The following CTNNA2 variants were observed in gnomAD, a reference collection of about 807,000 sequenced individuals.
The protein encoded by CTNNA2 is catenin alpha 2.
In CTNNA2, 42 loss-of-function variants were observed where a neutral mutation model predicts 101.0. The observed-to-expected ratio is 0.42, with a 90% CI of 0.32 to 0.54. CTNNA2 has a LOEUF of 0.54. Ranked by LOEUF, CTNNA2 falls within the 20% of genes least tolerant of loss-of-function variation. CTNNA2 has a pLI of 0.14. For synonymous variants in CTNNA2, 450 were observed against 456.4 expected, an observed-to-expected ratio of 0.99 and a Z score of 0.18; for missense variants, 871 against 1,223.1, an observed-to-expected ratio of 0.71 and a Z score of 4.29.
intron 7 of CTNNA2, among the ~76,000 whole-genome samples, chr2:80,112,036 A>G (rs950119161): frequency 6.6e-6 from 1 of 152,192 alleles, no homozygotes; most frequent in Non-Finnish European, 1.5e-5. Flanking sequence ...CTTATATTTG[A>G]GTGAGGGTAG....
At chr2:79,702,654 G>A (rs1039113111) in intron 2 of CTNNA2, among the ~76,000 whole-genome samples, 1 of 152,216 alleles carries the variant, frequency 6.6e-6, no homozygotes, top group Middle Eastern at 3.4e-3. Flanking sequence ...ATATTTTCTT[G>A]TACTAGGTTC....
intron 7 of CTNNA2, among the ~76,000 whole-genome samples, chr2:79,937,162 C>T (rs1687847693): frequency 6.6e-6 from 1 of 152,114 alleles, no homozygotes; most frequent in African/African-American, 2.4e-5. Flanking sequence ...TAATTGTCAA[C>T]ATCATAATAG....
chr2:80,393,857 A>C (rs1481591154), intron 8 of CTNNA2, among the ~76,000 whole-genome samples: 1 of 152,164 alleles, frequency 6.6e-6, no homozygotes, highest in Non-Finnish European at 1.5e-5. Context: ...ACAGGGAGAA[A>C]TCTCCGGTCA....
intron 7 of CTNNA2, among the ~76,000 whole-genome samples, chr2:79,910,211 G>C (rs1427503528): frequency 1.3e-5 from 2 of 152,144 alleles, no homozygotes; most frequent in African/African-American, 4.8e-5. Flanking sequence ...ACCCCTAAGA[G>C]GCATTAATAA....
Position 80,349,350 on chromosome 2 carries a change from G to T in CTNNA2, c.1057-43861G>T, listed in dbSNP as rs574154667. 6.6e-5 allele frequency among the ~76,000 whole-genome samples: 10 copies of T among 152,242 alleles called. No homozygotes were observed. The South Asian group carries it at 2.1e-3, about 32-fold the overall frequency. ...ACACTGAGAGAATGCTAGCAAAAAG[G>T]CAGCTTTGTTGATTTGTTGATTCGT... On this transcript the variant is annotated intron_variant, in intron 7 of 18. Coordinates refer to ENST00000402739, the MANE Select transcript of CTNNA2 (RefSeq NM_001282597.3).
intron 7 of CTNNA2, among the ~76,000 whole-genome samples, chr2:80,381,725 T>C (rs1676531827): frequency 2.0e-5 from 3 of 152,172 alleles, no homozygotes; most frequent in Admixed American, 2.0e-4. Flanking sequence ...CCACATACTT[T>C]CCTCACTTTC....
chr2:79,207,480 A>G (rs147827070), intron 2 of CTNNA2, among the ~76,000 whole-genome samples: 80 of 152,328 alleles, frequency 5.3e-4, no homozygotes, highest in Middle Eastern at 3.4e-3. Flanking sequence ...GAAAAGTTGC[A>G]GCCACAGTGG....
At chr2:79,525,710 T>C (rs1323857875) in intron 1 of CTNNA2, among the ~76,000 whole-genome samples, 2 of 152,010 alleles carry the variant, frequency 1.3e-5, no homozygotes, top group African/African-American at 4.8e-5. Context: ...TGACTGTGTA[T>C]GTGAAATTAG....
At chr2:79,264,935 A>G (rs1164996906) in intron 2 of CTNNA2, among the ~76,000 whole-genome samples, 1 of 152,100 alleles carries the variant, frequency 6.6e-6, no homozygotes, top group Non-Finnish European at 1.5e-5. Context: ...TTCTGCATAC[A>G]ACACAGAAGT....
At chr2:79,328,089 T>C (rs1284374503) in intron 3 of CTNNA2, among the ~76,000 whole-genome samples, 1 of 152,174 alleles carries the variant, frequency 6.6e-6, no homozygotes, top group Non-Finnish European at 1.5e-5. Flanking sequence ...CAGAATGTTA[T>C]GGGGGCTGAT....
intron 3 of CTNNA2, among the ~76,000 whole-genome samples, chr2:79,815,851 G>A (rs1340473794): frequency 1.3e-5 from 2 of 152,082 alleles, no homozygotes; most frequent in Admixed American, 6.6e-5. Flanking sequence ...GCTTTTGGCA[G>A]TATGGTCATT....
At chr2:80,256,510 T>G (rs555798951) in intron 7 of CTNNA2, among the ~76,000 whole-genome samples, 1 of 151,276 alleles carries the variant, frequency 6.6e-6, no homozygotes, top group South Asian at 2.1e-4. Flanking sequence ...TTTGGAACTT[T>G]GTTGCTAACT....
At chr2:79,859,266 C>G (rs1681395793) in intron 4 of CTNNA2, among the ~76,000 whole-genome samples, 1 of 152,032 alleles carries the variant, frequency 6.6e-6, no homozygotes, top group Non-Finnish European at 1.5e-5. Context: ...TCAGTGAAAG[C>G]AGGTTATGAG....
intron 9 of CTNNA2, among the ~76,000 whole-genome samples, chr2:80,497,478 A>C (rs964353338): frequency 6.6e-6 from 1 of 152,202 alleles, no homozygotes; most frequent in Admixed American, 6.5e-5. Flanking sequence ...GACTATGCTC[A>C]TGGGAATATC....
At chr2:79,658,953 A>G (rs1034052028) in intron 2 of CTNNA2, among the ~76,000 whole-genome samples, 4 of 152,060 alleles carry the variant, frequency 2.6e-5, no homozygotes, top group Non-Finnish European at 5.9e-5. Context: ...AGCACTTTAT[A>G]TATTTTAAAA....
intron 3 of CTNNA2, among the ~76,000 whole-genome samples, chr2:79,764,401 G>T (rs540917184): frequency 1.3e-5 from 2 of 152,182 alleles, no homozygotes; most frequent in African/African-American, 4.8e-5. Context: ...AATATATTTT[G>T]TTTTTACATT....
In CTNNA2 at chr2:79,382,850, G is replaced by A. The variant is rs117187698; in HGVS notation, c.-135+8837G>A. On this transcript the variant is annotated intron_variant, in intron 4 of 21. Coordinates refer to the CTNNA2 transcript ENST00000466387. ...AGAATGGTCTCGATTTCCTGACTTC[G>A]TGATCCACCCGCCTTGGCCTCCCAA... 7.8e-3 allele frequency among the ~76,000 whole-genome samples: 1,191 copies of A among 152,234 alleles called. 34 individuals are homozygous for A. Among genetic ancestry groups the A allele is most frequent in the East Asian group, 0.063 (327 of 5,154 alleles).
chr2:79,689,854 A>C (rs996287508), intron 2 of CTNNA2, among the ~76,000 whole-genome samples: 1 of 152,024 alleles, frequency 6.6e-6, no homozygotes, highest in Non-Finnish European at 1.5e-5. Flanking sequence ...TTAACAGTAG[A>C]TTAGACAAAG....
chr2:80,019,586 C>T (rs1694410088), intron 7 of CTNNA2, among the ~76,000 whole-genome samples: 1 of 152,172 alleles, frequency 6.6e-6, no homozygotes, highest in Admixed American at 6.5e-5. Context: ...AAGAAAATCT[C>T]TTCTGCCCTA....
Sources: allele counts gnomAD v4.1 joint callset (sites outside exome capture counted in the v4.1 genomes callset), GRCh38; gene constraint gnomAD v4.1.1; transcripts MANE v1.5; gene names NCBI Gene and HGNC (gene_info 2026-07-23, HGNC 2026-07-21).